Variants in GTPBP1 observed in about 807,000 individuals in gnomAD.
GTPBP1 encodes the protein GTP binding protein 1, also known as GTP-binding protein 1.
A neutral mutation model predicts 62.0 loss-of-function variants in GTPBP1; 23 were observed. The ratio of observed to expected loss-of-function variants is 0.37; its 90% CI spans 0.27 to 0.53. GTPBP1 has a LOEUF of 0.53. Among genes scored for constraint, GTPBP1 ranks in the 20% least tolerant of loss-of-function variants. GTPBP1 has a pLI of 0.89. For synonymous variants in GTPBP1, 344 were observed against 364.4 expected (o/e 0.94, Z 0.64); for missense variants, 640 against 917.3 (o/e 0.70, Z 3.90).
At chr22:38,724,184 T>C (rs570733930) in intron 5 of GTPBP1, 113 bp from the exon 6 acceptor site, 39 of 685,014 alleles carry the variant, frequency 5.7e-5, no homozygotes, top group Non-Finnish European at 9.2e-5. Flanking sequence ...CACTGGTCCA[T>C]CTATCTGTCT....
downstream of GTPBP1, chr22:38,738,413 C>A: frequency 8.9e-7 from 1 of 1,118,022 alleles, no homozygotes; most frequent in Non-Finnish European, 1.3e-6. This position sits in a 1 kb window ranked among gnomAD's most constrained non-coding sequence, Gnocchi z 6.6. Flanking sequence ...CAGTTTCTGC[C>A]TCCAAAGCCT....
chr22:38,734,377 C>CCA (rs1381759119), downstream of GTPBP1: 3 of 425,784 alleles, frequency 7.0e-6, no homozygotes, highest in Non-Finnish European at 1.5e-5. Flanking sequence ...TCACTGCACT[C>CCA]CAAGTGGACG....
downstream of GTPBP1, chr22:38,736,379 G>T: frequency 6.2e-7 from 1 of 1,611,904 alleles, no homozygotes; most frequent in Non-Finnish European, 8.5e-7. Flanking sequence ...CATCGTAGGG[G>T]CCTGGGTAGA....
chr22:38,742,435 G>A, downstream of GTPBP1: 1 of 1,613,564 alleles, frequency 6.2e-7, no homozygotes, highest in Non-Finnish European at 8.5e-7. Context: ...GGAGCCCCTT[G>A]CCGCAGCTCC....
rs372338752 is a variant in GTPBP1 at position 38,715,948 on chromosome 22, T to C, written c.346T>C (p.Ser116Pro). 6.2e-7 allele frequency: 1 copy of C among 1,613,792 alleles called. No individual in the cohort carries two copies. Among genetic ancestry groups the C allele is most frequent in the African/African-American group, 1.3e-5 (1 of 74,852 alleles). Reference sequence around the variant, plus strand: ...GCTGAGTGAAGCTGACATGGAGGCCTCCTACGCCACAGTGAAGAGCATGGC... The same window carrying C: ...GCTGAGTGAAGCTGACATGGAGGCCCCCTACGCCACAGTGAAGAGCATGGC... ...YGLSEADMEA[S>P]YATVKSMAEQ... The change falls in exon 3 of 12, where the codon TCC (serine) becomes CCC (proline). Residue 116 changes from serine (S) to proline (P), a missense_variant. Ser to Pro is a moderately conservative substitution (Grantham distance 74). Coordinates refer to ENST00000216044, the MANE Select transcript of GTPBP1 (RefSeq NM_004286.5).
chr22:38,733,314 C>G lies in GTPBP1; in HGVS notation c.*2610C>G, dbSNP rs1411949056. 6.6e-6 allele frequency: 1 copy of G among 152,264 alleles called. No individual in the cohort carries two copies. The highest frequency in any genetic ancestry group is 1.9e-4 in the East Asian group (1 of 5,184). The allele number at this position is 152,264 out of a possible 1,614,324, so 9.4% of individuals were successfully genotyped here. A position where few individuals can be genotyped will look rare whatever the true frequency, so the allele number is the denominator to read the frequency against. ...CTCGTTTTATTTTAACTCTTTGCCC[C>G]TACAAACAAACAGCAGTACTTGCCA... On this transcript the variant is annotated 3_prime_UTR_variant, in exon 12 of 12. Transcript: ENST00000216044.
chr22:38,723,231 C>T (rs11554915), intron 5 of GTPBP1: 1 of 1,043,468 alleles, frequency 9.6e-7, no homozygotes, highest in South Asian at 1.3e-5. Flanking sequence ...AATTATTTCC[C>T]CTTAAAGTCA....
At chr22:38,728,280 G>T (rs1481356590) in intron 10 of GTPBP1, 119 bp downstream of exon 10, 5 of 716,910 alleles carry the variant, frequency 7.0e-6, no homozygotes, top group Admixed American at 2.2e-5. Flanking sequence ...ACCCACTGAG[G>T]TGTGGCCTCG....
At chr22:38,736,271 T>G (rs1160622186), downstream of GTPBP1, 1 of 1,612,278 alleles carries the variant, frequency 6.2e-7, no homozygotes, top group East Asian at 2.2e-5. Context: ...GCAGGGCTAG[T>G]GGGCGGGCTC....
At position 38,719,628 on chromosome 22, in the gene GTPBP1, G is replaced by T. The variant is rs546384643; in HGVS notation, c.835-2114G>T. 3.3e-3 allele frequency among the ~76,000 whole-genome samples: 480 copies of T among 143,294 alleles called. 3 individuals carry two copies. The highest frequency in any genetic ancestry group is 0.01 in the African/African-American group (408 of 39,218). The allele number at this position is 143,294 out of a possible 152,430, so 94.0% of individuals were successfully genotyped here. A position where few individuals can be genotyped will look rare whatever the true frequency, so the allele number is the denominator to read the frequency against. Reference sequence around the variant, plus strand: ...CAGCCAAGTATATATGTTTAGTTTGGTTTTTTTTTTTTGTGGCTGAATCAC... The same window carrying T: ...CAGCCAAGTATATATGTTTAGTTTGTTTTTTTTTTTTTGTGGCTGAATCAC... On this transcript the variant is annotated intron_variant, in intron 4 of 11. Transcript: ENST00000216044.
chr22:38,710,303 A>T (rs1364039769), intron 2 of GTPBP1, among the ~76,000 whole-genome samples: 1 of 152,244 alleles, frequency 6.6e-6, no homozygotes, highest in East Asian at 1.9e-4. Flanking sequence ...GAAACTTAAA[A>T]TCTGATCCCT....
At chr22:38,710,942 G>T (rs2092635381) in intron 2 of GTPBP1, among the ~76,000 whole-genome samples, 1 of 152,128 alleles carries the variant, frequency 6.6e-6, no homozygotes, top group Non-Finnish European at 1.5e-5. Context: ...TAAGATGTCA[G>T]ACATTTATTA....
At chr22:38,738,929 TGAG>T (rs762748815), downstream of GTPBP1, 5 of 1,613,276 alleles carry the variant, frequency 3.1e-6, no homozygotes, top group African/African-American at 2.7e-5. The surrounding 1 kb of genome is among the most constrained non-coding windows in gnomAD (Gnocchi z 6.6). Context: ...CCGAAGAGGC[TGAG>T]GAGGGCCGTC....
chr22:38,713,783 G>T (rs150810971), intron 2 of GTPBP1, among the ~76,000 whole-genome samples: 1 of 152,196 alleles, frequency 6.6e-6, no homozygotes, highest in African/African-American at 2.4e-5. Flanking sequence ...AACATTGTTA[G>T]TGTCTGTGCT....
chr22:38,731,987 CT>C lies in GTPBP1; in HGVS notation c.*1285del, dbSNP rs1020458860. The C allele has an allele frequency of 6.6e-6, 1 of 152,520 alleles. No homozygotes were observed. The allele number at this position is 152,520 out of a possible 1,614,324, so 9.4% of individuals were successfully genotyped here. ...ATGGGCCTGAACCCACCTGGACTGA[CT>C]TCTGCACTGAAGCCACAGATGGAGG... On this transcript the variant is annotated 3_prime_UTR_variant, in exon 12 of 12. Transcript: ENST00000216044.
chr22:38,730,611 G>C lies in GTPBP1; in HGVS notation c.1918-1G>C. On this transcript the variant is annotated splice_acceptor_variant, in intron 11 of 11. Coordinates refer to ENST00000216044, the MANE Select transcript of GTPBP1 (RefSeq NM_004286.5). LOFTEE classifies it high-confidence loss of function. The surrounding 1 kb of genome is among the most constrained non-coding windows in gnomAD (Gnocchi z 5.6). Reference sequence around the variant, plus strand: ...TCTCAAGCTCCTTCTCTCTCTTTCAGCCTAAGCCCAGCAGTGGAGGCCGGC... The same window carrying C: ...TCTCAAGCTCCTTCTCTCTCTTTCACCCTAAGCCCAGCAGTGGAGGCCGGC... 6.3e-7 allele frequency: 1 copy of C among 1,599,658 alleles called. No homozygotes were observed. Among genetic ancestry groups the C allele is most frequent in the South Asian group, 1.1e-5 (1 of 90,958 alleles).
chr22:38,729,503 G>A lies in GTPBP1; in HGVS notation c.1758G>A (p.Pro586=), dbSNP rs780731363. Reference sequence around the variant, plus strand: ...ACAACTCCCCAATGAACTCCAAGCCGCAGCAGATTAAAATGCAGTCGACGA... The same window carrying A: ...ACAACTCCCCAATGAACTCCAAGCCACAGCAGATTAAAATGCAGTCGACGA... ...TTNNSPMNSK[P]QQIKMQSTKK... The change falls in exon 11 of 12, where the codon CCG becomes CCA. Residue 586 remains proline (P), a synonymous_variant. Transcript: ENST00000216044. 6.8e-6 allele frequency: 11 copies of A among 1,608,992 alleles called. No individual in the cohort carries two copies. The highest frequency in any genetic ancestry group is 4.0e-5 in the African/African-American group (3 of 74,494).
downstream of GTPBP1, chr22:38,740,219 CAAAGG>C: frequency 6.7e-7 from 1 of 1,492,294 alleles, no homozygotes. This position sits in a 1 kb window ranked among gnomAD's most constrained non-coding sequence, Gnocchi z 4.8. Flanking sequence ...CACGTCGTCT[CAAAGG>C]AGGAGGAGAG....
At chr22:38,742,339 T>G (rs1365256167), downstream of GTPBP1, 11 of 1,609,084 alleles carry the variant, frequency 6.8e-6, no homozygotes, top group Non-Finnish European at 8.5e-6. Context: ...AAATCCTCCT[T>G]CAGGGCAGCT....
Sources: gnomAD v4.1 joint callset for allele counts (sites outside exome capture counted in the v4.1 genomes callset) on GRCh38, gnomAD v4.1.1 for gene constraint, Gnocchi (gnomAD v3.1) non-coding constraint, MANE v1.5 for transcripts, NCBI Gene and HGNC (gene_info 2026-07-23, HGNC 2026-07-21) for gene names.